The following ITPR2 variants were observed in gnomAD, a reference collection of about 807,000 sequenced individuals.
The protein encoded by ITPR2 is inositol 1,4,5-trisphosphate-gated calcium channel ITPR2.
ITPR2 carries 207 observed loss-of-function variants against 317.1 expected under a neutral mutation model. That is an observed-to-expected ratio of 0.65 (90% CI 0.58 to 0.73). The LOEUF is 0.73. ITPR2 is among the 30% of genes least tolerant of loss of function. ITPR2 has a pLI of 0.00. For synonymous variants in ITPR2, 1,156 were observed against 1,149.1 expected, an observed-to-expected ratio of 1.01 and a Z score of -0.12; for missense variants, 2,613 against 3,284.0, an observed-to-expected ratio of 0.80 and a Z score of 4.99.
intron 20 of ITPR2, among the ~76,000 whole-genome samples, chr12:26,655,486 C>T (rs1233236728): frequency 7.3e-5 from 11 of 151,682 alleles, no homozygotes; most frequent in African/African-American, 1.9e-4. Flanking sequence ...TGGTGGCAGG[C>T]GCCTGTAGTC....
intron 55 of ITPR2, among the ~76,000 whole-genome samples, chr12:26,363,426 A>G (rs1287237476): frequency 6.6e-6 from 1 of 152,206 alleles, no homozygotes; most frequent in Non-Finnish European, 1.5e-5. Context: ...AATGCACTTG[A>G]ATCATCCCCA....
At chr12:26,374,069 C>A (rs1939268035) in intron 55 of ITPR2, among the ~76,000 whole-genome samples, 2 of 152,210 alleles carry the variant, frequency 1.3e-5, no homozygotes, top group African/African-American at 2.4e-5. Flanking sequence ...CTGCGGCACT[C>A]CGGATGGTGT....
chr12:26,474,719 G>A (rs1036782432), intron 45 of ITPR2, among the ~76,000 whole-genome samples: 15 of 149,072 alleles, frequency 1.0e-4, no homozygotes, highest in Non-Finnish European at 2.1e-4. Context: ...GCGTGAACCC[G>A]GGAGGCGGAG....
chr12:26,433,972 A>G (rs539712210), intron 48 of ITPR2, among the ~76,000 whole-genome samples: 1 of 152,358 alleles, frequency 6.6e-6, no homozygotes, highest in African/African-American at 2.4e-5. Flanking sequence ...CATACTTTCT[A>G]AGATTTAAAA....
At chr12:26,574,586 T>C (rs979449846) in intron 34 of ITPR2, among the ~76,000 whole-genome samples, 4 of 152,220 alleles carry the variant, frequency 2.6e-5, no homozygotes, top group Non-Finnish European at 5.9e-5. Context: ...TAAGTTAGAA[T>C]GAAATTAGAC....
intron 1 of ITPR2, among the ~76,000 whole-genome samples, chr12:26,818,755 T>G (rs1409101835): frequency 2.0e-5 from 3 of 152,170 alleles, no homozygotes; most frequent in Non-Finnish European, 4.4e-5. Flanking sequence ...TCATCATCTT[T>G]GAAAATATGG....
Position 26,486,507 on chromosome 12 carries a change from A to T in ITPR2, c.5555-147T>A, listed in dbSNP as rs74768981. 2,987 of 719,798 alleles carry T rather than the reference A, an allele frequency of 4.1e-3. 58 individuals carry two copies. In the African/African-American group the frequency reaches 0.048, roughly 12 times the overall value. 44.6% of individuals were successfully genotyped at this position (719,798 alleles called of 1,614,324 possible). On this transcript the variant is annotated intron_variant, in intron 40 of 56. Transcript: ENST00000381340. Reference sequence around the variant, plus strand: ...TGCAACAATTTCCAAAAAGGATTTGAGAGAGCACTTAAAAATTAAATTTGC... The same window carrying T: ...TGCAACAATTTCCAAAAAGGATTTGTGAGAGCACTTAAAAATTAAATTTGC...
intron 2 of ITPR2, among the ~76,000 whole-genome samples, chr12:26,765,370 G>C (rs1417363600): frequency 6.6e-6 from 1 of 151,984 alleles, no homozygotes; most frequent in African/African-American, 2.4e-5. Context: ...TTGCTGGTTA[G>C]TTTATATTTT....
At chr12:26,715,244 G>T in intron 8 of ITPR2, 55 bp downstream of exon 8, 1 of 1,440,168 alleles carries the variant, frequency 6.9e-7, no homozygotes, top group South Asian at 1.2e-5. Context: ...CAAGCCCAGT[G>T]AATCTTCTCT....
chr12:26,679,228 G>A (rs1384702007), intron 13 of ITPR2, among the ~76,000 whole-genome samples: 3 of 152,174 alleles, frequency 2.0e-5, no homozygotes, highest in Non-Finnish European at 1.5e-5. Context: ...GTTTTGAAAT[G>A]TAAGTTTGCC....
At chr12:26,603,857 C>T (rs922208437) in intron 26 of ITPR2, among the ~76,000 whole-genome samples, 4 of 152,134 alleles carry the variant, frequency 2.6e-5, no homozygotes, top group African/African-American at 9.7e-5. Flanking sequence ...CAGGGTCCAT[C>T]GCAAAGATTG....
chr12:26,587,569 G>C (rs555430525), intron 32 of ITPR2, among the ~76,000 whole-genome samples: 1 of 152,168 alleles, frequency 6.6e-6, no homozygotes, highest in Non-Finnish European at 1.5e-5. Context: ...CAGATAGCTA[G>C]CTAGGGGGAG....
In ITPR2 at chr12:26,418,986, C is replaced by T. The variant is rs184173606; in HGVS notation, c.7110+63G>A. On this transcript the variant is annotated intron_variant, in intron 50 of 56. Transcript: ENST00000381340. ...TAAAAAAAAAAATCAAAGGAAGAGG[C>T]ATAAGAAGCAGCAGCATTGTGTACT... 66 of 1,363,780 alleles carry T rather than the reference C, an allele frequency of 4.8e-5. No homozygotes were observed. In the East Asian group the frequency reaches 1.4e-3, roughly 28 times the overall value. The allele number at this position is 1,363,780 out of a possible 1,614,324, so 84.5% of individuals were successfully genotyped here. A position where few individuals can be genotyped will look rare whatever the true frequency, so the allele number is the denominator to read the frequency against.
chr12:26,505,456 G>A (rs1042485132), intron 37 of ITPR2, among the ~76,000 whole-genome samples: 3 of 152,012 alleles, frequency 2.0e-5, no homozygotes, highest in Non-Finnish European at 2.9e-5. Context: ...TCTGTCCCCC[G>A]ACCCTGAGTC....
intron 2 of ITPR2, among the ~76,000 whole-genome samples, chr12:26,744,226 T>G (rs1050246856): frequency 2.0e-5 from 3 of 152,256 alleles, no homozygotes; most frequent in Non-Finnish European, 4.4e-5. Context: ...TGAGCTGCTC[T>G]CTGGTTCTGC....
At chr12:26,415,876 C>T (rs944091973) in intron 50 of ITPR2, among the ~76,000 whole-genome samples, 2 of 152,108 alleles carry the variant, frequency 1.3e-5, no homozygotes, top group African/African-American at 2.4e-5. Flanking sequence ...TGATATTCTG[C>T]AGTTACTTCT....
At chr12:26,631,705 G>A (rs1946755609) in intron 22 of ITPR2, among the ~76,000 whole-genome samples, 161 bp downstream of exon 22, 1 of 152,042 alleles carries the variant, frequency 6.6e-6, no homozygotes, top group Admixed American at 6.5e-5. Flanking sequence ...AATAGCGTCT[G>A]TGTGATATTT....
intron 37 of ITPR2, chr12:26,495,492 G>C: frequency 4.6e-6 from 2 of 437,166 alleles, no homozygotes; most frequent in Non-Finnish European, 8.3e-6. Flanking sequence ...TGGAGGTGAC[G>C]AACAGGTTTA....
In ITPR2 at chr12:26,494,328, C is replaced by A. The variant is rs775858986; in HGVS notation, c.5195G>T (p.Gly1732Val). 6.2e-7 allele frequency: 1 copy of A among 1,600,638 alleles called. No homozygotes were observed. The highest frequency in any genetic ancestry group is 8.5e-7 in the Non-Finnish European group (1 of 1,174,918). Residue 1732 changes from glycine (G) to valine (V), a missense_variant, in exon 39 of 57, where the codon GGA (glycine) becomes GTA (valine). By Grantham distance (109) the Gly-to-Val change is moderately radical. This residue lies in a region of ITPR2 where 926 missense variants were observed against 1,072.8 expected (regional missense o/e 0.86). Transcript: ENST00000381340. ...KTAQVGGSFS[G>V]QDSDKMGISM... ...TATCCCCATCTTATCTGAATCTTGTCCAGAAAAGCTTCCTGTGATTGGGAA... is the reference window on the plus strand; with the variant it reads ...TATCCCCATCTTATCTGAATCTTGTACAGAAAAGCTTCCTGTGATTGGGAA...
Sources: allele counts gnomAD v4.1 joint callset (sites outside exome capture counted in the v4.1 genomes callset), GRCh38; gene constraint gnomAD v4.1.1; regional missense constraint gnomAD v4.1.1; transcripts MANE v1.5; gene names NCBI Gene and HGNC (gene_info 2026-07-23, HGNC 2026-07-21).